Variants in ACSM3 observed in about 807,000 individuals in gnomAD.
ACSM3 encodes the protein acyl-CoA synthetase medium chain family member 3, also known as acyl-coenzyme A synthetase ACSM3, mitochondrial.
Under a neutral mutation model 74.1 loss-of-function variants are expected in ACSM3, and 61 were observed. The observed-to-expected ratio is 0.82, with a 90% confidence interval of 0.67 to 1.02. The LOEUF (loss-of-function observed/expected upper bound fraction) is 1.02. ACSM3 is among the 50% of genes least tolerant of loss of function. ACSM3 has a pLI of 0.00. For missense variants in ACSM3, 660 were observed against 697.0 expected (o/e 0.95, Z 0.60); for synonymous variants, 213 against 241.5 (o/e 0.88, Z 1.09).
chr16:20,756,647 C>T (rs953115714), intron 3 of ACSM3, among the ~76,000 whole-genome samples: 21 of 152,168 alleles, frequency 1.4e-4, no homozygotes, highest in African/African-American at 4.3e-4. Context: ...AATTAGATCC[C>T]ATTTGTCAAT....
At chr16:20,713,843 A>T (rs163248) in intron 1 of ACSM3, among the ~76,000 whole-genome samples, 1 of 152,152 alleles carries the variant, frequency 6.6e-6, no homozygotes, top group African/African-American at 2.4e-5. Context: ...CAAAAAGGGC[A>T]CAGATTGTTT....
intron 4 of ACSM3, chr16:20,780,270 A>G: frequency 4.3e-6 from 1 of 229,936 alleles, no homozygotes; most frequent in South Asian, 6.1e-5. Flanking sequence ...GTGTTGGCCC[A>G]TCAGTACCCA....
intron 1 of ACSM3, chr16:20,690,868 C>T (rs546647369): frequency 2.4e-6 from 2 of 845,102 alleles, no homozygotes; most frequent in East Asian, 3.0e-5. Context: ...GAAATATAAG[C>T]TTCTTCCACA....
At chr16:20,685,855 T>TAAAA (rs2079545621) in intron 1 of ACSM3, among the ~76,000 whole-genome samples, 1 of 105,028 alleles carries the variant, frequency 9.5e-6, no homozygotes, top group Non-Finnish European at 2.4e-5. Context: ...AACAAAAAAC[T>TAAAA]TATAGCATCA....
chr16:20,789,202 T>C (rs900757456), intron 9 of ACSM3, among the ~76,000 whole-genome samples: 1 of 152,182 alleles, frequency 6.6e-6, no homozygotes, highest in Non-Finnish European at 1.5e-5. Flanking sequence ...ATTAAAAGCA[T>C]ATGATCTGGA....
chr16:20,723,962 A>G (rs2079795623), intron 1 of ACSM3, among the ~76,000 whole-genome samples: 1 of 152,208 alleles, frequency 6.6e-6, no homozygotes, highest in African/African-American at 2.4e-5. Context: ...GCCCATGCCT[A>G]TGTCCTGAAT....
chr16:20,694,010 C>T (rs1367727964), intron 1 of ACSM3, among the ~76,000 whole-genome samples: 4 of 152,216 alleles, frequency 2.6e-5, no homozygotes, highest in Non-Finnish European at 5.9e-5. Flanking sequence ...TCTTAGCTCC[C>T]ACAATTTAGC....
Position 20,705,227 on chromosome 16 carries a change from G to A in ACSM3, c.-190+30405G>A, listed in dbSNP as rs577043158. On this transcript the variant is annotated intron_variant, in intron 1 of 3. Coordinates refer to the ACSM3 transcript ENST00000561584. ...CTCTACTGAAAATACAAACAAATTA[G>A]CCAGGCGTAGTGGTGGGCACCTGTA... Among the ~76,000 whole-genome samples, 4 of 152,206 alleles carry A rather than the reference G, an allele frequency of 2.6e-5. No homozygotes were observed. The South Asian group carries it at 8.3e-4, about 32-fold the overall frequency.
intron 1 of ACSM3, among the ~76,000 whole-genome samples, chr16:20,684,731 A>G (rs977455887): frequency 6.6e-6 from 1 of 152,220 alleles, no homozygotes; most frequent in African/African-American, 2.4e-5. Context: ...TTCTTAAATA[A>G]TTCAGTAAGA....
rs892250016 is a variant in ACSM3 at position 20,719,721 on chromosome 16, T to C, written c.-189-30189T>C. Among the ~76,000 whole-genome samples the C allele has an allele frequency of 2.0e-5, 3 of 152,200 alleles. No homozygotes were observed. In the East Asian group the frequency reaches 5.8e-4, roughly 29 times the overall value. On this transcript the variant is annotated intron_variant, in intron 1 of 3. Transcript: ENST00000561584. ...ATCTAAACAAATACTTCATTTCTAA[T>C]TCAGTGAAACCAAGATAATAGCTGA...
At chr16:20,687,084 A>C (rs896753516) in intron 1 of ACSM3, among the ~76,000 whole-genome samples, 1 of 151,834 alleles carries the variant, frequency 6.6e-6, no homozygotes, top group Non-Finnish European at 1.5e-5. Flanking sequence ...TCAGGACTGA[A>C]GGAAAGGAGT....
chr16:20,676,218 T>C (rs2020268282), intron 1 of ACSM3: 1 of 152,216 alleles, frequency 6.6e-6, no homozygotes, highest in South Asian at 2.1e-4. Context: ...CAAGTTATGC[T>C]TATGCCTCTT....
chr16:20,684,698 G>T (rs2079514497), intron 1 of ACSM3, among the ~76,000 whole-genome samples: 1 of 152,178 alleles, frequency 6.6e-6, no homozygotes, highest in Admixed American at 6.5e-5. Context: ...GGTGTTCATA[G>T]GTGTCACAAT....
At chr16:20,758,508 A>G (rs1397269129) in intron 3 of ACSM3, among the ~76,000 whole-genome samples, 1 of 151,596 alleles carries the variant, frequency 6.6e-6, no homozygotes, top group East Asian at 1.9e-4. Flanking sequence ...TATTGTGTCT[A>G]TTTGATTCTT....
chr16:20,718,016 A>G (rs562683765), intron 1 of ACSM3, among the ~76,000 whole-genome samples: 2 of 149,262 alleles, frequency 1.3e-5, no homozygotes, highest in South Asian at 4.2e-4. Flanking sequence ...AAGAAGAAGA[A>G]GAAGAAGAAG....
intron 1 of ACSM3, chr16:20,721,507 G>GA (rs916982963): frequency 6.6e-6 from 1 of 152,170 alleles, no homozygotes; most frequent in African/African-American, 2.4e-5. Flanking sequence ...GGAAGAGGAT[G>GA]AGTAGAAAAA....
intron 1 of ACSM3, among the ~76,000 whole-genome samples, chr16:20,708,173 T>G (rs1160738056): frequency 6.6e-6 from 1 of 152,098 alleles, no homozygotes; most frequent in Non-Finnish European, 1.5e-5. Context: ...TGGTGGTACA[T>G]GCCTGTAATC....
At chr16:20,783,171 T>C (rs1390250602) in intron 7 of ACSM3, 1 of 152,118 alleles carries the variant, frequency 6.6e-6, no homozygotes, top group Admixed American at 6.5e-5. Context: ...GACAATTCTA[T>C]TACCCAGGAA....
intron 1 of ACSM3, chr16:20,691,393 T>C (rs1166093647): frequency 1.8e-5 from 9 of 505,042 alleles, no homozygotes; most frequent in Non-Finnish European, 2.4e-5. Context: ...GGATTTATCT[T>C]CCCAGCTGAG....
Sources: allele counts gnomAD v4.1 joint callset (sites outside exome capture counted in the v4.1 genomes callset), GRCh38; gene constraint gnomAD v4.1.1; transcripts MANE v1.5; gene names NCBI Gene and HGNC (gene_info 2026-07-23, HGNC 2026-07-21).